Variants in AKAP13 observed in about 807,000 individuals in gnomAD.
AKAP13 encodes the protein A-kinase anchor protein 13.
Under a neutral mutation model 264.5 loss-of-function variants are expected in AKAP13, and 80 were observed. That is an observed-to-expected ratio of 0.30 (90% CI 0.25 to 0.36). The LOEUF (loss-of-function observed/expected upper bound fraction) is 0.36. Ranked by LOEUF, AKAP13 falls within the 10% of genes least tolerant of loss-of-function variation. The pLI, the probability that AKAP13 is intolerant of heterozygous loss-of-function variation, is 1.00. For missense variants in AKAP13, 3,712 were observed against 3,435.2 expected (o/e 1.08, Z -2.01); for synonymous variants, 1,380 against 1,250.2 (o/e 1.10, Z -2.19).
rs889017477 is a variant in AKAP13 at position 85,655,703 on chromosome 15, C to T, written c.4661C>T (p.Ser1554Phe). The change falls in exon 11 of 37, where the codon TCC becomes TTC. Residue 1554 changes from serine (S) to phenylalanine (F), a missense_variant. Ser to Phe is a radical substitution (Grantham distance 155). Coordinates refer to ENST00000394518, the MANE Select transcript of AKAP13 (RefSeq NM_007200.5). ...VPANCSVLRS[S>F]MRSLSPFRRH... is the part of the protein sequence containing the mutation. The stretch of plus-strand genomic sequence containing the variant: ...GCAAACTGCTCTGTCCTAAGGAGCT[C>T]CATGCGCTCTCTTTCTCCCTTCCGG... 5.0e-6 allele frequency: 8 copies of T among 1,614,190 alleles called. No homozygotes were observed. Among genetic ancestry groups the T allele is most frequent in the Non-Finnish European group, 6.8e-6 (8 of 1,180,030 alleles).
At chr15:85,551,177 C>T (rs146056944) in intron 5 of AKAP13, among the ~76,000 whole-genome samples, 216 of 152,180 alleles carry the variant, frequency 1.4e-3, no homozygotes, top group Admixed American at 2.6e-3. Context: ...TTTTTTCCCC[C>T]TAAGTTTTCA....
intron 1 of AKAP13, among the ~76,000 whole-genome samples, chr15:85,472,198 T>TAAA (rs33991348): frequency 7.2e-6 from 1 of 138,272 alleles, no homozygotes; most frequent in Non-Finnish European, 1.5e-5. Context: ...TATACTAGGT[T>TAAA]AAAAAAAAAA....
Position 85,710,608 on chromosome 15 carries a change from C to T in AKAP13, c.5562C>T (p.Asp1854=). The T allele has an allele frequency of 6.2e-7, 1 of 1,614,020 alleles. No homozygotes were observed. Among genetic ancestry groups the T allele is most frequent in the Non-Finnish European group, 8.5e-7 (1 of 1,179,948 alleles). ...KQPKGSLQAH[D]TSSLPTVIMR... ...CCAAAGGGAGCCTTCAGGCACATGA[C>T]ACATCATCACTGCCCACGGTCATTA... The change falls in exon 19 of 37, where the codon GAC becomes GAT. Residue 1854 remains aspartate (D), a synonymous_variant. Coordinates refer to ENST00000394518, the MANE Select transcript of AKAP13 (RefSeq NM_007200.5).
intron 10 of AKAP13, among the ~76,000 whole-genome samples, chr15:85,648,775 G>C (rs906617514): frequency 6.6e-6 from 1 of 152,056 alleles, no homozygotes; most frequent in Admixed American, 6.5e-5. Flanking sequence ...GGAGGTTAAC[G>C]CTGCAGTGAG....
At chr15:85,415,476 C>G in intron 1 of AKAP13, 5 of 1,585,890 alleles carry the variant, frequency 3.2e-6, no homozygotes, top group South Asian at 1.1e-5. Context: ...CAGAAAAACT[C>G]AGACTGTGTG....
chr15:85,717,600 A>T (rs1268092128), intron 21 of AKAP13, among the ~76,000 whole-genome samples, 198 bp downstream of exon 21: 1 of 152,170 alleles, frequency 6.6e-6, no homozygotes, highest in Non-Finnish European at 1.5e-5. Context: ...CAAGTGAAGG[A>T]TGTCATTTAT....
chr15:85,554,968 C>A (rs2078090503), intron 5 of AKAP13, among the ~76,000 whole-genome samples: 1 of 152,124 alleles, frequency 6.6e-6, no homozygotes, highest in Admixed American at 6.5e-5. Context: ...GATGTGCCTT[C>A]TTTTTCTTTG....
intron 1 of AKAP13, among the ~76,000 whole-genome samples, chr15:85,466,241 T>C (rs997185765): frequency 6.6e-6 from 1 of 151,936 alleles, no homozygotes; most frequent in Non-Finnish European, 1.5e-5. Flanking sequence ...TCATTGTAGA[T>C]TCTGGATATT....
Position 85,708,406 on chromosome 15 carries a change from C to T in AKAP13, c.5532+320C>T, listed in dbSNP as rs1296790187. On this transcript the variant is annotated intron_variant, in intron 18 of 36. Coordinates refer to ENST00000394518, the MANE Select transcript of AKAP13 (RefSeq NM_007200.5). This position sits in a 1 kb window ranked among gnomAD's most constrained non-coding sequence, Gnocchi z 4.3. ...CTTCTTAACTACGTCTGCAGGCCTA[C>T]CCTGCTGTTCATACACCTGTCTTCC... Among the ~76,000 whole-genome samples the T allele has an allele frequency of 1.3e-5, 2 of 152,168 alleles. No homozygotes were observed. Among genetic ancestry groups the T allele is most frequent in the Non-Finnish European group, 2.9e-5 (2 of 68,038 alleles).
Position 85,741,222 on chromosome 15 carries a change from C to T in AKAP13, c.7785C>T (p.Leu2595=), listed in dbSNP as rs1025176651. 15 of 1,608,948 alleles carry T rather than the reference C, an allele frequency of 9.3e-6. No homozygotes were observed. Among genetic ancestry groups the T allele is most frequent in the Admixed American group, 1.7e-5 (1 of 59,082 alleles). ...TGCAGAAGCAGCAGGCCCAGTACCT[C>T]GAGGAGAAGCGCAGGCGCGAGCGTG... ...ANLQKQQAQY[L]EEKRRREREW... The change falls in exon 35 of 37, where the codon CTC becomes CTT. Residue 2595 remains leucine (L), a synonymous_variant. Transcript: ENST00000394518.
At chr15:85,589,998 T>A (rs1482457267) in intron 8 of AKAP13, among the ~76,000 whole-genome samples, 2 of 152,188 alleles carry the variant, frequency 1.3e-5, no homozygotes, top group Non-Finnish European at 2.9e-5. Context: ...AGCTTTAACC[T>A]TCTAGAGTCT....
chr15:85,516,217 T>C (rs781259743), intron 2 of AKAP13, among the ~76,000 whole-genome samples: 1 of 152,230 alleles, frequency 6.6e-6, no homozygotes, highest in Non-Finnish European at 1.5e-5. Flanking sequence ...TTGAATATTA[T>C]GTGCCAGGCA....
In AKAP13 at chr15:85,533,682, G is replaced by C. The variant is rs116106697; in HGVS notation, c.280G>C (p.Asp94His). Residue 94 changes from aspartate to histidine, a missense_variant, in exon 4 of 37, where the codon GAT becomes CAT. Asp to His is a moderately conservative substitution (Grantham distance 81, BLOSUM62 -1). Transcript: ENST00000394518. ...TGAAGAAGACTTTCATTTCGTCCAGGATGAAGCGTATGATGCAGCTCAATT... is the reference window on the plus strand; with the variant it reads ...TGAAGAAGACTTTCATTTCGTCCAGCATGAAGCGTATGATGCAGCTCAATT... Reference protein sequence around the residue: ...VAEEDFHFVQDEAYDAAQFLA... With the variant: ...VAEEDFHFVQHEAYDAAQFLA... The C allele has an allele frequency of 1.9e-6, 3 of 1,614,202 alleles. No homozygotes were observed. The highest frequency in any genetic ancestry group is 2.7e-5 in the African/African-American group (2 of 75,054).
chr15:85,579,782 C>T lies in AKAP13; in HGVS notation c.1714C>T (p.Arg572Ter). ...AAAAACAGCAGAAACGGAAACTTCA[C>T]GAAGTCGTGAGGAGAGTGCTGATGC... ...TEKTAETETS[R>*]SREESADAPV... Residue 572 changes from arginine to a stop codon, truncating the protein, a stop_gained, in exon 7 of 37, where the codon CGA becomes TGA. Coordinates refer to ENST00000394518, the MANE Select transcript of AKAP13 (RefSeq NM_007200.5). LOFTEE classifies it high-confidence loss of function. The T allele has an allele frequency of 1.2e-6, 2 of 1,614,208 alleles. No individual in the cohort carries two copies. The highest frequency in any genetic ancestry group is 3.3e-4 in the Middle Eastern group (2 of 6,062).
chr15:85,675,269 A>G (rs932168636), intron 14 of AKAP13, among the ~76,000 whole-genome samples: 2 of 152,234 alleles, frequency 1.3e-5, no homozygotes, highest in South Asian at 2.1e-4. Flanking sequence ...ACATTACAGT[A>G]GTATCTTACT....
intron 1 of AKAP13, among the ~76,000 whole-genome samples, chr15:85,430,742 G>A (rs567064605): frequency 2.6e-5 from 4 of 152,118 alleles, no homozygotes; most frequent in Non-Finnish European, 4.4e-5. Flanking sequence ...TACCATATAC[G>A]GGGCGTCATG....
At chr15:85,438,030 C>G (rs202061711) in intron 1 of AKAP13, among the ~76,000 whole-genome samples, 14,001 of 143,856 alleles carry the variant, frequency 0.097, 670 homozygotes, top group East Asian at 0.3. Flanking sequence ...TCAAATTGTC[C>G]CTGTTTGCAG....
chr15:85,457,552 G>C (rs904391779), intron 1 of AKAP13, among the ~76,000 whole-genome samples: 3 of 152,318 alleles, frequency 2.0e-5, no homozygotes, highest in Admixed American at 1.3e-4. Context: ...TTGGCGACTA[G>C]TTGTAGCCCT....
chr15:85,708,091 G>A lies in AKAP13; in HGVS notation c.5532+5G>A, dbSNP rs371718987. ...TGTGCAAAGGTCAAAATGAAGGTAA[G>A]ACTTTCTGGCTAAAACAAGGCTTAA... is the stretch of plus-strand genomic sequence containing the variant. On this transcript the variant is annotated splice_donor_5th_base_variant and intron_variant, in intron 18 of 36. Coordinates refer to ENST00000394518, the MANE Select transcript of AKAP13 (RefSeq NM_007200.5). The surrounding 1 kb of genome is among the most constrained non-coding windows in gnomAD (Gnocchi z 4.3). The A allele has an allele frequency of 6.2e-7, 1 of 1,613,442 alleles. No individual in the cohort carries two copies. Among genetic ancestry groups the A allele is most frequent in the African/African-American group, 1.3e-5 (1 of 75,036 alleles).
Sources: allele counts gnomAD v4.1 joint callset (sites outside exome capture counted in the v4.1 genomes callset), GRCh38; gene constraint gnomAD v4.1.1; non-coding constraint Gnocchi (gnomAD v3.1); transcripts MANE v1.5; gene names NCBI Gene and HGNC (gene_info 2026-07-23, HGNC 2026-07-21).